Variants in SEC23A observed in about 807,000 individuals in gnomAD.
The protein encoded by SEC23A is SEC23 homolog A, COPII component.
Under a neutral mutation model 103.7 loss-of-function variants are expected in SEC23A, and 56 were observed. The observed-to-expected ratio is 0.54, with a 90% CI of 0.44 to 0.67. The LOEUF (loss-of-function observed/expected upper bound fraction) is 0.67, where lower values mean the gene tolerates loss of function less well. Among genes scored for constraint, SEC23A ranks in the 30% least tolerant of loss-of-function variants. The pLI, the probability that SEC23A is intolerant of heterozygous loss-of-function variation, is 0.00. For synonymous variants in SEC23A, 281 were observed against 293.0 expected, an observed-to-expected ratio of 0.96 and a Z score of 0.42; for missense variants, 784 against 936.4, an observed-to-expected ratio of 0.84 and a Z score of 2.12.
At chr14:39,095,772 T>G in intron 2 of SEC23A, 126 bp downstream of exon 2, 1 of 754,464 alleles carries the variant, frequency 1.3e-6, no homozygotes, top group Non-Finnish European at 2.2e-6. Context: ...CTGGATTGTT[T>G]TGACTGTCCT....
chr14:39,073,588 C>A (rs1421118322), intron 9 of SEC23A, among the ~76,000 whole-genome samples: 1 of 150,048 alleles, frequency 6.7e-6, no homozygotes, highest in African/African-American at 2.5e-5. Flanking sequence ...GCCACGGTGC[C>A]CGGCTCTGAT....
At position 39,092,563 on chromosome 14, in the gene SEC23A, G is replaced by T; in HGVS notation, c.344C>A (p.Ser115Tyr). 6.2e-7 allele frequency: 1 copy of T among 1,608,328 alleles called. No individual in the cohort carries two copies. The highest frequency in any genetic ancestry group is 2.2e-5 in the East Asian group (1 of 44,722). The change falls in exon 4 of 20, where the codon TCT becomes TAT. Residue 115 changes from serine (S) to tyrosine (Y), a missense_variant. By Grantham distance (144) the Ser-to-Tyr change is moderately radical (BLOSUM62 -2). Around this residue, in one of 2 missense-constraint regions of SEC23A, gnomAD observed 683 missense variants for 774.2 expected, o/e 0.88. Transcript: ENST00000307712. ...NQPAELLPQFSSIEYVVLRGP... is the reference protein window; with the variant it reads ...NQPAELLPQFYSIEYVVLRGP... The stretch of plus-strand genomic sequence containing the variant: ...TACCAGAACTACATATTCAATGCTA[G>T]AAAACTGAGGTAAAAGTTCAGCAGG...
At chr14:39,070,876 A>C (rs1361480247) in intron 9 of SEC23A, among the ~76,000 whole-genome samples, 1 of 152,130 alleles carries the variant, frequency 6.6e-6, no homozygotes, top group African/African-American at 2.4e-5. Flanking sequence ...AAAATACAAA[A>C]ATTAGCTGGA....
chr14:39,076,287 A>G (rs967661387), intron 7 of SEC23A, among the ~76,000 whole-genome samples, 194 bp from the exon 8 acceptor site: 1 of 152,174 alleles, frequency 6.6e-6, no homozygotes, highest in Non-Finnish European at 1.5e-5. Context: ...GGTATATAGT[A>G]GCACATTCCT....
chr14:39,070,882 C>T (rs1177214772), intron 9 of SEC23A, among the ~76,000 whole-genome samples: 1 of 152,136 alleles, frequency 6.6e-6, no homozygotes, highest in Non-Finnish European at 1.5e-5. Context: ...CAAAAATTAG[C>T]TGGACGTAGT....
chr14:39,049,310 T>C (rs1885960848), intron 14 of SEC23A, among the ~76,000 whole-genome samples: 1 of 151,936 alleles, frequency 6.6e-6, no homozygotes, highest in South Asian at 2.1e-4. Flanking sequence ...ACCGCATCTC[T>C]ACTAAAAATA....
intron 2 of SEC23A, among the ~76,000 whole-genome samples, chr14:39,094,413 TATATATATATATATATATATATATATATA>T (rs1456771357): frequency 1.3e-4 from 4 of 31,882 alleles, no homozygotes; most frequent in Non-Finnish European, 1.5e-4. Flanking sequence ...TATATATATA[TATATATATATATATATATATATATATATA>T]TTTTTTTTTT....
chr14:39,101,725 A>T, intron 1 of SEC23A, among the ~76,000 whole-genome samples: 1 of 152,170 alleles, frequency 6.6e-6, no homozygotes, highest in East Asian at 1.9e-4. Flanking sequence ...TTGCCAAGTA[A>T]ATTTGAGTTC....
intron 9 of SEC23A, among the ~76,000 whole-genome samples, chr14:39,071,997 G>T (rs1886855394): frequency 6.6e-6 from 1 of 152,028 alleles, no homozygotes; most frequent in African/African-American, 2.4e-5. Flanking sequence ...ATTTTAGGAG[G>T]CCGAGGTGGG....
intron 14 of SEC23A, among the ~76,000 whole-genome samples, chr14:39,054,606 G>A (rs1413628178): frequency 1.3e-5 from 2 of 152,090 alleles, no homozygotes; most frequent in African/African-American, 4.8e-5. Flanking sequence ...GGAGTAGGTG[G>A]GACTACAGGC....
At chr14:39,058,902 C>T (rs187689432) in intron 13 of SEC23A, among the ~76,000 whole-genome samples, 12 of 152,106 alleles carry the variant, frequency 7.9e-5, no homozygotes, top group East Asian at 1.9e-4. Context: ...ACTTGAATGA[C>T]GGTATTTATT....
At chr14:39,089,108 AGATTGCAAGATCATG>A (rs1280570313) in intron 5 of SEC23A, among the ~76,000 whole-genome samples, 1 of 147,130 alleles carries the variant, frequency 6.8e-6, no homozygotes, top group African/African-American at 2.5e-5. Flanking sequence ...AAGGAGGCGG[AGATTGCAAGATCATG>A]CCACTGCACT....
chr14:39,054,640 T>C (rs1350157773), intron 14 of SEC23A, among the ~76,000 whole-genome samples: 1 of 151,676 alleles, frequency 6.6e-6, no homozygotes. Flanking sequence ...CCTGGCCAAT[T>C]TTTTTTTGGA....
intron 15 of SEC23A, chr14:39,047,542 A>C: frequency 2.7e-6 from 1 of 373,000 alleles, no homozygotes; most frequent in Non-Finnish European, 4.5e-6. Context: ...CTGAAAAAGA[A>C]AGCTGATGCT....
Position 39,093,217 on chromosome 14 carries a change from C to A in SEC23A, c.249G>T (p.Trp83Cys). The A allele has an allele frequency of 6.2e-7, 1 of 1,612,122 alleles. No individual in the cohort carries two copies. The change falls in exon 3 of 20, where the codon TGG (tryptophan) becomes TGT (cysteine). Residue 83 changes from tryptophan (W) to cysteine (C), a missense_variant. Transcript: ENST00000307712. ...TCCTTTGGTAACAAAAGTTGCAAGC[C>A]CAAAGTTTTGCTCGATAATCCACTT... ...LCQVDYRAKL[W>C]ACNFCYQRNQ...
intron 3 of SEC23A, 25 bp downstream of exon 3, chr14:39,093,162 C>A: frequency 6.2e-7 from 1 of 1,607,854 alleles, no homozygotes. Flanking sequence ...CCACTGCGCC[C>A]GGCATGCAAT....
At chr14:39,074,096 T>C (rs1345153089) in intron 9 of SEC23A, among the ~76,000 whole-genome samples, 1 of 152,220 alleles carries the variant, frequency 6.6e-6, no homozygotes, top group African/African-American at 2.4e-5. Context: ...ACTAAAAGCA[T>C]CAAACTGTAC....
chr14:39,046,409 G>A lies in SEC23A; in HGVS notation c.1738-1085C>T, dbSNP rs113986091. On this transcript the variant is annotated intron_variant, in intron 15 of 19. Coordinates refer to ENST00000307712, the MANE Select transcript of SEC23A (RefSeq NM_006364.4). ...AATTGCTTGAACCAGGGAGGCAGAG[G>A]CTGCAGTGAGCTGAGATTGTATCAC... Among the ~76,000 whole-genome samples, 1,398 of 152,246 alleles carry A rather than the reference G, an allele frequency of 9.2e-3. 16 individuals are homozygous for A. Among genetic ancestry groups the A allele is most frequent in the African/African-American group, 0.03 (1,237 of 41,546 alleles).
intron 19 of SEC23A, among the ~76,000 whole-genome samples, chr14:39,037,340 CAT>C (rs970991376): frequency 5.3e-5 from 8 of 152,180 alleles, no homozygotes; most frequent in East Asian, 3.9e-4. Flanking sequence ...CATTTATTGA[CAT>C]ATGTTTTCCT....
Sources: gnomAD v4.1 joint callset for allele counts (sites outside exome capture counted in the v4.1 genomes callset) on GRCh38, gnomAD v4.1.1 for gene constraint, gnomAD v4.1.1 regional missense constraint, MANE v1.5 for transcripts, NCBI Gene and HGNC (gene_info 2026-07-23, HGNC 2026-07-21) for gene names.